The following RAD51B variants were observed in gnomAD, a reference collection of about 807,000 sequenced individuals.
RAD51B encodes the protein DNA repair protein RAD51 homolog 2.
Under a neutral mutation model 42.2 loss-of-function variants are expected in RAD51B, and 38 were observed. The observed-to-expected ratio is 0.90, with a 90% CI of 0.70 to 1.18. The LOEUF is 1.18. RAD51B is among the 50% of genes most tolerant of loss of function. RAD51B has a pLI of 0.00. For synonymous variants in RAD51B, 154 were observed against 145.2 expected, an observed-to-expected ratio of 1.06 and a Z score of -0.43; for missense variants, 373 against 400.7, an observed-to-expected ratio of 0.93 and a Z score of 0.59.
At chr14:67,915,750 A>G (rs1360260923) in intron 7 of RAD51B, among the ~76,000 whole-genome samples, 2 of 152,162 alleles carry the variant, frequency 1.3e-5, no homozygotes, top group Admixed American at 6.5e-5. Flanking sequence ...GTTTGTTAGT[A>G]TTGTCTAAAG....
chr14:68,470,669 T>C (rs1410935771), intron 10 of RAD51B: 1 of 469,524 alleles, frequency 2.1e-6, no homozygotes, highest in African/African-American at 2.0e-5. Context: ...AGAAAAAATA[T>C]CAGATTATAT....
At chr14:68,634,359 G>T (rs141183134) in intron 10 of RAD51B, among the ~76,000 whole-genome samples, 312 of 152,256 alleles carry the variant, frequency 2.0e-3, no homozygotes, top group Middle Eastern at 3.4e-3. Context: ...TACCTAAACC[G>T]AATGCCTTCA....
chr14:68,189,703 G>A lies in RAD51B; in HGVS notation c.757-102181G>A, dbSNP rs1014875494. On this transcript the variant is annotated intron_variant, in intron 7 of 10. Coordinates refer to ENST00000471583, the MANE Select transcript of RAD51B (RefSeq NM_133510.4). ...ATTATTTGTGATGGAGTTTCACTCT[G>A]TCACCCAGGCTGGAATGTTGTGGCA... is the stretch of plus-strand genomic sequence containing the variant. Among the ~76,000 whole-genome samples the A allele has an allele frequency of 4.6e-5, 7 of 152,090 alleles. No individual in the cohort carries two copies. In the South Asian group the frequency reaches 1.5e-3, roughly 32 times the overall value.
At chr14:68,059,705 A>G (rs1321888792) in intron 7 of RAD51B, among the ~76,000 whole-genome samples, 1 of 147,154 alleles carries the variant, frequency 6.8e-6, no homozygotes, top group Non-Finnish European at 1.5e-5. Flanking sequence ...AGATATTGCT[A>G]GTATCAAACA....
intron 8 of RAD51B, chr14:68,338,900 C>A (rs898265842): frequency 4.6e-6 from 3 of 648,926 alleles, no homozygotes; most frequent in East Asian, 6.8e-5. Flanking sequence ...CTTTGTCTTC[C>A]GAGTTAACCT....
intron 7 of RAD51B, among the ~76,000 whole-genome samples, chr14:67,968,944 C>T (rs1258403498): frequency 6.6e-6 from 1 of 152,138 alleles, no homozygotes; most frequent in Non-Finnish European, 1.5e-5. Flanking sequence ...ATTGGACTTA[C>T]AGTTCCACTT....
intron 5 of RAD51B, among the ~76,000 whole-genome samples, chr14:67,879,763 C>A (rs79490887): frequency 0.06 from 9,178 of 152,204 alleles, 668 homozygotes; most frequent in African/African-American, 0.18. Flanking sequence ...GTCTGTTGCA[C>A]TCTGTTGTTT....
At chr14:68,641,400 A>G (rs1892457393) in intron 10 of RAD51B, among the ~76,000 whole-genome samples, 1 of 152,178 alleles carries the variant, frequency 6.6e-6, no homozygotes, top group Non-Finnish European at 1.5e-5. Flanking sequence ...GTCATTTACA[A>G]CAAAGTTTTC....
At chr14:68,506,110 C>T (rs1201612868) in intron 10 of RAD51B, among the ~76,000 whole-genome samples, 2 of 152,100 alleles carry the variant, frequency 1.3e-5, no homozygotes, top group African/African-American at 4.8e-5. Context: ...ACAGTGTGCC[C>T]CCAGGCAGCC....
At chr14:68,439,877 C>T (rs930715224) in intron 9 of RAD51B, among the ~76,000 whole-genome samples, 8 of 152,190 alleles carry the variant, frequency 5.3e-5, no homozygotes, top group African/African-American at 1.7e-4. Context: ...ATGCACACAT[C>T]CAAACCCTGC....
chr14:68,546,253 C>G (rs549809488), intron 10 of RAD51B, among the ~76,000 whole-genome samples: 4 of 152,206 alleles, frequency 2.6e-5, no homozygotes, highest in Admixed American at 6.5e-5. Flanking sequence ...GAGCCTAATC[C>G]GGGGCTATGG....
chr14:68,025,476 CT>C (rs765471138), intron 7 of RAD51B, among the ~76,000 whole-genome samples: 1,418 of 41,024 alleles, frequency 0.035, 12 homozygotes, highest in African/African-American at 0.063. Context: ...CTGGTCTAGG[CT>C]TTTTTTTTTT....
intron 5 of RAD51B, among the ~76,000 whole-genome samples, chr14:67,868,745 G>A (rs535692243): frequency 1.1e-3 from 160 of 152,360 alleles, no homozygotes; most frequent in African/African-American, 2.8e-3. Flanking sequence ...ATCTGAGAAC[G>A]GGCAGACTGC....
intron 11 of RAD51B, among the ~76,000 whole-genome samples, chr14:68,658,702 C>T (rs1005531032): frequency 6.6e-6 from 1 of 152,230 alleles, no homozygotes; most frequent in South Asian, 2.1e-4. Context: ...CTGCCCCACA[C>T]CCCACCAGAT....
At chr14:68,306,398 G>A (rs921104293) in intron 8 of RAD51B, among the ~76,000 whole-genome samples, 3 of 152,150 alleles carry the variant, frequency 2.0e-5, no homozygotes, top group Non-Finnish European at 4.4e-5. Flanking sequence ...ATTCACAAAT[G>A]AAACTTCACC....
chr14:68,076,879 A>T (rs73284300), intron 7 of RAD51B, among the ~76,000 whole-genome samples: 3,713 of 152,260 alleles, frequency 0.024, 149 homozygotes, highest in African/African-American at 0.084. Flanking sequence ...GATAGGCCTT[A>T]AAAAAGGAGG....
At chr14:68,671,439 C>T (rs1893155822) in intron 11 of RAD51B, among the ~76,000 whole-genome samples, 1 of 152,086 alleles carries the variant, frequency 6.6e-6, no homozygotes, top group Non-Finnish European at 1.5e-5. Flanking sequence ...ACATACAAAC[C>T]CACCCCCTAT....
intron 10 of RAD51B, among the ~76,000 whole-genome samples, chr14:68,518,150 C>T (rs1886289593): frequency 6.6e-6 from 1 of 152,172 alleles, no homozygotes. Flanking sequence ...CATTGTATTG[C>T]CGTGGAAGAG....
chr14:68,249,548 T>G (rs1487747894), intron 7 of RAD51B, among the ~76,000 whole-genome samples: 1 of 152,178 alleles, frequency 6.6e-6, no homozygotes, highest in Non-Finnish European at 1.5e-5. Flanking sequence ...CAAAAAAAAG[T>G]ACTTAAATCT....
Sources: gnomAD v4.1 joint callset for allele counts (sites outside exome capture counted in the v4.1 genomes callset) on GRCh38, gnomAD v4.1.1 for gene constraint, MANE v1.5 for transcripts, NCBI Gene and HGNC (gene_info 2026-07-23, HGNC 2026-07-21) for gene names.